The following PPIL3 variants were observed in gnomAD, a reference collection of about 807,000 sequenced individuals.
PPIL3 encodes the protein peptidyl-prolyl cis-trans isomerase-like 3.
A neutral mutation model predicts 20.9 loss-of-function variants in PPIL3; 13 were observed. That is an observed-to-expected ratio of 0.62 (90% CI 0.40 to 0.99). The LOEUF (loss-of-function observed/expected upper bound fraction) is 0.99. PPIL3 is among the 50% of genes least tolerant of loss of function. PPIL3 has a pLI of 0.00. For synonymous variants in PPIL3, 71 were observed against 64.4 expected, an observed-to-expected ratio of 1.10 and a Z score of -0.49; for missense variants, 170 against 195.2, an observed-to-expected ratio of 0.87 and a Z score of 0.77.
intron 6 of PPIL3, among the ~76,000 whole-genome samples, chr2:200,874,521 G>A: frequency 6.6e-6 from 1 of 152,130 alleles, no homozygotes; most frequent in East Asian, 1.9e-4. Flanking sequence ...AAAAATGTGT[G>A]TGCATCTGTA....
In PPIL3 at chr2:200,881,013, AGAT is replaced by A. The variant is rs1426436831; in HGVS notation, c.240+405_240+407del. On this transcript the variant is annotated intron_variant, in intron 5 of 6. Transcript: ENST00000392283. ...CAGGGATGTTCAAACATCTAACAGA[AGAT>A]GATAAAAGCTGGGTACTGATAATGG... is the stretch of plus-strand genomic sequence containing the variant. Among the ~76,000 whole-genome samples the A allele has an allele frequency of 5.3e-5, 8 of 152,334 alleles. No homozygotes were observed. The East Asian group carries it at 1.5e-3, about 29-fold the overall frequency.
At chr2:200,877,420 A>C (rs1390249114) in intron 5 of PPIL3, 1 of 158,104 alleles carries the variant, frequency 6.3e-6, no homozygotes, top group Non-Finnish European at 1.4e-5. Flanking sequence ...TTTCTCAATT[A>C]ATTTCATTTT....
intron 1 of PPIL3, 111 bp downstream of exon 1, chr2:200,888,845 C>T (rs1257618951): frequency 8.8e-6 from 4 of 453,186 alleles, no homozygotes; most frequent in South Asian, 4.7e-5. Flanking sequence ...CAACAACAGC[C>T]TCGCCGCCCA....
At chr2:200,878,402 T>G (rs951240419) in intron 5 of PPIL3, among the ~76,000 whole-genome samples, 6 of 151,518 alleles carry the variant, frequency 4.0e-5, no homozygotes, top group Non-Finnish European at 5.9e-5. Flanking sequence ...TTTTTTTTTT[T>G]TTTTAGAGAC....
In PPIL3 at chr2:200,885,761, C is replaced by T; in HGVS notation, c.15G>A (p.Leu5=). Residue 5 remains leucine (L), a synonymous_variant, in exon 3 of 7, where the codon CTG becomes CTA. Coordinates refer to ENST00000392283, the MANE Select transcript of PPIL3 (RefSeq NM_130906.3). ...TTTTAATATCACCTACATCTGTATG[C>T]AGTGTCACAGACTAAAAAGGAGAGA... MSVT[L]HTDVGDIKIE... The T allele has an allele frequency of 6.3e-7, 1 of 1,585,086 alleles. No individual in the cohort carries two copies. The highest frequency in any genetic ancestry group is 8.6e-7 in the Non-Finnish European group (1 of 1,159,122).
chr2:200,879,810 A>G (rs2039655145), intron 5 of PPIL3, among the ~76,000 whole-genome samples: 1 of 152,202 alleles, frequency 6.6e-6, no homozygotes, highest in African/African-American at 2.4e-5. Flanking sequence ...AGCTTAGGCA[A>G]CAGAGTGAGA....
At position 200,885,749 on chromosome 2, in the gene PPIL3, T is replaced by G. The variant is rs1028517315; in HGVS notation, c.27A>C (p.Val9=). Residue 9 remains valine, a synonymous_variant, in exon 3 of 7, where the codon GTA becomes GTC. Transcript: ENST00000392283. MSVTLHTD[V]GDIKIEVFCE... is the part of the protein sequence containing the mutation. ...AGAAGACTTCAATTTTAATATCACC[T>G]ACATCTGTATGCAGTGTCACAGACT... 1 of 1,592,684 alleles carries G rather than the reference T, an allele frequency of 6.3e-7. No individual in the cohort carries two copies. The highest frequency in any genetic ancestry group is 8.6e-7 in the Non-Finnish European group (1 of 1,163,124).
chr2:200,888,795 G>C (rs1215536819), intron 1 of PPIL3, among the ~76,000 whole-genome samples, 161 bp downstream of exon 1: 2 of 152,152 alleles, frequency 1.3e-5, no homozygotes, highest in East Asian at 3.8e-4. Flanking sequence ...CGAAGTGCTG[G>C]GAGGCCGCCG....
At position 200,875,025 on chromosome 2, in the gene PPIL3, T is replaced by A. The variant is rs16835419; in HGVS notation, c.359+1894A>T. On this transcript the variant is annotated intron_variant, in intron 6 of 6. Coordinates refer to ENST00000392283, the MANE Select transcript of PPIL3 (RefSeq NM_130906.3). ...ACTCTAGAATTGTGCCTTGGTTTAT[T>A]AAGCATGATAATTATTTGTTGAACG... Among the ~76,000 whole-genome samples the A allele has an allele frequency of 8.1e-3, 1,233 of 152,330 alleles. 19 individuals carry two copies. The highest frequency in any genetic ancestry group is 0.027 in the African/African-American group (1,128 of 41,574).
At chr2:200,879,144 A>C (rs547033308) in intron 5 of PPIL3, among the ~76,000 whole-genome samples, 1 of 151,484 alleles carries the variant, frequency 6.6e-6, no homozygotes, top group East Asian at 1.9e-4. Context: ...TTTTAGACGG[A>C]GTCTCGCTCT....
At chr2:200,872,875 GTTT>G (rs540748211) in intron 6 of PPIL3, among the ~76,000 whole-genome samples, 1 of 143,224 alleles carries the variant, frequency 7.0e-6, no homozygotes, top group Non-Finnish European at 1.5e-5. Flanking sequence ...CTTTGTACTT[GTTT>G]TTTTTTTTTT....
chr2:200,879,677 A>C (rs917555870), intron 5 of PPIL3, among the ~76,000 whole-genome samples: 1 of 152,164 alleles, frequency 6.6e-6, no homozygotes, highest in African/African-American at 2.4e-5. Context: ...TCTACAAAAA[A>C]TCAGAAATTA....
chr2:200,872,019 T>C (rs1453153838), intron 6 of PPIL3, among the ~76,000 whole-genome samples: 1 of 152,178 alleles, frequency 6.6e-6, no homozygotes, highest in East Asian at 1.9e-4. Flanking sequence ...TATAATTTAA[T>C]TGTGACACTA....
intron 6 of PPIL3, among the ~76,000 whole-genome samples, chr2:200,873,187 ATTTC>A (rs1421029600): frequency 6.7e-4 from 97 of 144,018 alleles, no homozygotes; most frequent in African/African-American, 2.5e-3. Context: ...TAATTATAGT[ATTTC>A]TTTCTTTTTT....
intron 5 of PPIL3, among the ~76,000 whole-genome samples, chr2:200,880,408 A>ATTTTTTT (rs2039681301): frequency 2.8e-5 from 3 of 105,314 alleles, no homozygotes; most frequent in Non-Finnish European, 3.7e-5. Flanking sequence ...GATTGAGTAG[A>ATTTTTTT]CTTTTTTTTT....
intron 2 of PPIL3, among the ~76,000 whole-genome samples, chr2:200,887,230 C>T (rs1414099498): frequency 6.6e-6 from 1 of 151,664 alleles, no homozygotes; most frequent in Non-Finnish European, 1.5e-5. Flanking sequence ...ACTAAAAATA[C>T]AAAAAATTAG....
At chr2:200,882,118 G>A (rs1289745028) in intron 4 of PPIL3, among the ~76,000 whole-genome samples, 1 of 152,206 alleles carries the variant, frequency 6.6e-6, no homozygotes, top group African/African-American at 2.4e-5. Context: ...AATAGCTAAT[G>A]CATGCTGGGC....
At chr2:200,874,919 G>C (rs1419628228) in intron 6 of PPIL3, among the ~76,000 whole-genome samples, 2 of 152,064 alleles carry the variant, frequency 1.3e-5, no homozygotes, top group Non-Finnish European at 2.9e-5. Flanking sequence ...TGTAGAGACG[G>C]GGTTTCACTA....
At chr2:200,884,017 G>A (rs2039834060) in intron 3 of PPIL3, among the ~76,000 whole-genome samples, 1 of 152,266 alleles carries the variant, frequency 6.6e-6, no homozygotes, top group South Asian at 2.1e-4. Flanking sequence ...CTCCCAAAGT[G>A]CTGGAATTAT....
Sources: gnomAD v4.1 joint callset for allele counts (sites outside exome capture counted in the v4.1 genomes callset) on GRCh38, gnomAD v4.1.1 for gene constraint, MANE v1.5 for transcripts, NCBI Gene and HGNC (gene_info 2026-07-23, HGNC 2026-07-21) for gene names.